Variants in RANBP2 observed in about 807,000 individuals in gnomAD.
The protein encoded by RANBP2 is RAN binding protein 2.
A neutral mutation model predicts 303.6 loss-of-function variants in RANBP2; 57 were observed. The observed-to-expected ratio is 0.19, with a 90% confidence interval of 0.15 to 0.23. The LOEUF is 0.23. RANBP2 is among the 10% of genes least tolerant of loss of function. The probability of loss-of-function intolerance (pLI) is 1.00; values close to 1 mark genes in which losing one functional copy is unlikely to be tolerated. For synonymous variants in RANBP2, 1,167 were observed against 1,301.5 expected (o/e 0.90, Z 2.23); for missense variants, 3,138 against 3,780.8 (o/e 0.83, Z 4.46).
chr2:108,789,515 A>G (rs1204401844), downstream of RANBP2, among the ~76,000 whole-genome samples: 2 of 152,096 alleles, frequency 1.3e-5, no homozygotes, highest in Non-Finnish European at 2.9e-5. Flanking sequence ...AATCACTTGA[A>G]CCCGGGAGGT....
At chr2:108,943,249 T>C in the RANBP2 span, among the ~76,000 whole-genome samples, 1 of 152,200 alleles carries the variant, frequency 6.6e-6, no homozygotes, top group Non-Finnish European at 1.5e-5. Flanking sequence ...CAGAGGTACC[T>C]AGCTAGAGCA....
the RANBP2 span, among the ~76,000 whole-genome samples, chr2:108,845,408 A>T: frequency 6.6e-6 from 1 of 152,118 alleles, no homozygotes; most frequent in Non-Finnish European, 1.5e-5. Flanking sequence ...TGAGTTAGGA[A>T]CCAGTTGGTC....
chr2:109,257,860 A>T, the RANBP2 span, among the ~76,000 whole-genome samples: 3 of 152,158 alleles, frequency 2.0e-5, no homozygotes, highest in Non-Finnish European at 4.4e-5. Flanking sequence ...AGTGAGTCAC[A>T]GTAAACACAG....
chr2:108,896,867 C>A, the RANBP2 span: 2 of 1,589,988 alleles, frequency 1.3e-6, no homozygotes, highest in Non-Finnish European at 1.7e-6. Context: ...CTCGTTGGCT[C>A]CTTGGCTTGT....
chr2:109,129,299 C>A, the RANBP2 span: 1 of 732,678 alleles, frequency 1.4e-6, no homozygotes, highest in Admixed American at 2.5e-5. Flanking sequence ...GCCGCAGGCG[C>A]TGCGCTCAGG....
At chr2:109,210,859 G>GT in the RANBP2 span, among the ~76,000 whole-genome samples, 2 of 152,228 alleles carry the variant, frequency 1.3e-5, no homozygotes, top group African/African-American at 4.8e-5. Flanking sequence ...TACAACCTAG[G>GT]TGAGAAATCT....
chr2:109,662,372 T>TCA, the RANBP2 span, among the ~76,000 whole-genome samples: 1 of 152,130 alleles, frequency 6.6e-6, no homozygotes, highest in Admixed American at 6.5e-5. Flanking sequence ...CTACAACCTC[T>TCA]GCCTCCCAGG....
chr2:109,439,731 CA>C, the RANBP2 span, among the ~76,000 whole-genome samples: 2 of 151,878 alleles, frequency 1.3e-5, no homozygotes, highest in Admixed American at 1.3e-4. Context: ...AATTCATCAG[CA>C]AAAAAGCACC....
the RANBP2 span, among the ~76,000 whole-genome samples, chr2:109,057,791 C>A: frequency 6.6e-6 from 1 of 152,192 alleles, no homozygotes; most frequent in East Asian, 1.9e-4. Flanking sequence ...AGAAGAGACA[C>A]CTGCCTCACT....
chr2:109,059,077 G>C, the RANBP2 span, among the ~76,000 whole-genome samples: 2 of 152,046 alleles, frequency 1.3e-5, no homozygotes, highest in African/African-American at 4.8e-5. Flanking sequence ...TGCCACCTCC[G>C]GGCCTTATCG....
the RANBP2 span, among the ~76,000 whole-genome samples, chr2:109,036,400 G>A: frequency 6.6e-6 from 1 of 152,104 alleles, no homozygotes; most frequent in African/African-American, 2.4e-5. Context: ...GAAAGTTATA[G>A]ACCACTATCT....
chr2:108,862,702 A>C, the RANBP2 span, among the ~76,000 whole-genome samples: 1 of 152,210 alleles, frequency 6.6e-6, no homozygotes, highest in Non-Finnish European at 1.5e-5. Context: ...AAAACCAACA[A>C]ATATCCCAGA....
At chr2:109,477,291 G>A in the RANBP2 span, among the ~76,000 whole-genome samples, 1 of 152,208 alleles carries the variant, frequency 6.6e-6, no homozygotes, top group Admixed American at 6.5e-5. Context: ...TCCTGCACAG[G>A]CACAGCCTTC....
chr2:109,457,980 G>A, the RANBP2 span, among the ~76,000 whole-genome samples: 1 of 152,200 alleles, frequency 6.6e-6, no homozygotes, highest in East Asian at 1.9e-4. Flanking sequence ...TGTCGAGAAA[G>A]AACAGAGAGT....
intron 6 of RANBP2, among the ~76,000 whole-genome samples, chr2:108,738,911 T>C (rs1198229520): frequency 6.6e-6 from 1 of 152,058 alleles, no homozygotes; most frequent in Non-Finnish European, 1.5e-5. Context: ...ATTACTTGTG[T>C]GAGCCACCGC....
chr2:109,688,561 G>A, the RANBP2 span, among the ~76,000 whole-genome samples: 2 of 151,942 alleles, frequency 1.3e-5, no homozygotes, highest in African/African-American at 4.8e-5. Context: ...TGGATCACGA[G>A]GTCAAGAGAT....
chr2:109,542,681 G>A, the RANBP2 span, among the ~76,000 whole-genome samples: 2 of 152,140 alleles, frequency 1.3e-5, no homozygotes, highest in Admixed American at 6.5e-5. Flanking sequence ...CTGATCTTGC[G>A]AAGAAACTTC....
At chr2:109,140,846 A>G in the RANBP2 span, among the ~76,000 whole-genome samples, 2 of 152,198 alleles carry the variant, frequency 1.3e-5, no homozygotes, top group African/African-American at 4.8e-5. Context: ...TAGACTATCA[A>G]CACCTACACA....
the RANBP2 span, chr2:109,615,426 G>C: frequency 6.2e-7 from 1 of 1,613,056 alleles, no homozygotes; most frequent in Non-Finnish European, 8.5e-7. Context: ...CGCCAAGCAC[G>C]GCAGGCAGGA....
Sources: allele counts gnomAD v4.1 joint callset (sites outside exome capture counted in the v4.1 genomes callset), GRCh38; gene constraint gnomAD v4.1.1; transcripts MANE v1.5; gene names NCBI Gene and HGNC (gene_info 2026-07-23, HGNC 2026-07-21).